Variants in OPCML observed in about 807,000 individuals in gnomAD.
OPCML encodes opioid binding protein/cell adhesion molecule like, also known as opioid-binding protein/cell adhesion molecule.
Under a neutral mutation model 37.8 loss-of-function variants are expected in OPCML, and 13 were observed. That is an observed-to-expected ratio of 0.34 (90% CI 0.22 to 0.55). The LOEUF is 0.55. Ranked by LOEUF, OPCML falls within the 20% of genes least tolerant of loss-of-function variation. The probability of loss-of-function intolerance (pLI) is 0.91; values close to 1 mark genes in which losing one functional copy is unlikely to be tolerated. For synonymous variants in OPCML, 176 were observed against 168.8 expected (o/e 1.04, Z -0.33); for missense variants, 341 against 435.6 (o/e 0.78, Z 1.93).
chr11:133,007,869 T>C, intron 1 of OPCML: 1 of 985,444 alleles, frequency 1.0e-6, no homozygotes, highest in Non-Finnish European at 1.2e-6. Context: ...CAAAAGATTG[T>C]GGGGAAAATG....
intron 2 of OPCML, among the ~76,000 whole-genome samples, chr11:132,709,567 C>A (rs1306227151): frequency 6.6e-6 from 1 of 152,146 alleles, no homozygotes; most frequent in African/African-American, 2.4e-5. Flanking sequence ...TCCTTCATGA[C>A]TTTGACTTTG....
intron 3 of OPCML, among the ~76,000 whole-genome samples, chr11:132,571,286 G>A (rs1325161989): frequency 6.6e-6 from 1 of 152,086 alleles, no homozygotes; most frequent in Non-Finnish European, 1.5e-5. Context: ...TTTGAACTGA[G>A]ACACTACTGG....
intron 1 of OPCML, among the ~76,000 whole-genome samples, chr11:133,327,429 T>C (rs956071947): frequency 6.6e-6 from 1 of 151,884 alleles, no homozygotes; most frequent in Non-Finnish European, 1.5e-5. Context: ...CCATCTGGAG[T>C]GTCAACTGCT....
intron 3 of OPCML, among the ~76,000 whole-genome samples, chr11:132,632,241 AT>A (rs67176157): frequency 0.11 from 11,874 of 111,356 alleles, 600 homozygotes; most frequent in African/African-American, 0.2. Context: ...ATTCAAACAC[AT>A]TTTTTTTTTT....
intron 1 of OPCML, among the ~76,000 whole-genome samples, chr11:133,359,792 G>A (rs536719725): frequency 6.6e-5 from 10 of 151,988 alleles, no homozygotes; most frequent in African/African-American, 2.2e-4. Flanking sequence ...TGTTATCCTC[G>A]GTATTTAGCG....
At chr11:133,431,518 G>A (rs1946114657) in intron 1 of OPCML, among the ~76,000 whole-genome samples, 1 of 152,014 alleles carries the variant, frequency 6.6e-6, no homozygotes, top group African/African-American at 2.4e-5. Flanking sequence ...CAGGCTGGAG[G>A]GCAATAGCGT....
At position 132,603,782 on chromosome 11, in the gene OPCML, G is replaced by A. The variant is rs149698538; in HGVS notation, c.379+53305C>T. 3.9e-5 allele frequency among the ~76,000 whole-genome samples: 6 copies of A among 152,250 alleles called. No individual in the cohort carries two copies. In the East Asian group the frequency reaches 1.2e-3, roughly 29 times the overall value. On this transcript the variant is annotated intron_variant, in intron 3 of 7. Coordinates refer to ENST00000524381, the MANE Select transcript of OPCML (RefSeq NM_001012393.5). The stretch of plus-strand genomic sequence containing the variant: ...TAGCAATACTAAACTACTTGAAGGT[G>A]CTCTCACATTTCTTGCTTTCTAACT...
intron 3 of OPCML, among the ~76,000 whole-genome samples, chr11:132,558,243 T>C (rs1209080359): frequency 2.0e-5 from 3 of 151,334 alleles, no homozygotes. Context: ...CTTTTTCTTC[T>C]TCTTCTTCTT....
At chr11:133,365,823 A>G (rs1320754520) in intron 1 of OPCML, 1 of 152,246 alleles carries the variant, frequency 6.6e-6, no homozygotes, top group African/African-American at 2.4e-5. Flanking sequence ...TAATCCTAGC[A>G]GTAACTGAGT....
At chr11:133,078,551 C>G (rs1372393102) in intron 1 of OPCML, among the ~76,000 whole-genome samples, 3 of 152,150 alleles carry the variant, frequency 2.0e-5, no homozygotes, top group Admixed American at 6.5e-5. Context: ...AAAGGCAACA[C>G]GCTTTTGAAG....
At chr11:132,799,160 C>T (rs1273925409) in intron 2 of OPCML, among the ~76,000 whole-genome samples, 2 of 152,196 alleles carry the variant, frequency 1.3e-5, no homozygotes, top group Non-Finnish European at 2.9e-5. Flanking sequence ...TCCTCTCTAG[C>T]TATGAAAGTC....
At chr11:132,905,106 T>C (rs1944189939) in intron 2 of OPCML, among the ~76,000 whole-genome samples, 2 of 152,264 alleles carry the variant, frequency 1.3e-5, no homozygotes, top group South Asian at 4.1e-4. Flanking sequence ...ACAACACTAC[T>C]GTGGAGGTAC....
chr11:133,293,220 G>A (rs773368027), intron 1 of OPCML, among the ~76,000 whole-genome samples: 1 of 151,606 alleles, frequency 6.6e-6, no homozygotes, highest in Non-Finnish European at 1.5e-5. Context: ...GACAGTCACG[G>A]CACCCCACGC....
intron 1 of OPCML, among the ~76,000 whole-genome samples, chr11:133,413,612 T>C (rs930476903): frequency 1.3e-5 from 2 of 152,196 alleles, no homozygotes; most frequent in African/African-American, 4.8e-5. Context: ...TGAATGGCTC[T>C]TCTCCCTTCA....
chr11:133,344,034 C>T (rs931048388), intron 1 of OPCML, among the ~76,000 whole-genome samples: 16 of 152,290 alleles, frequency 1.1e-4, no homozygotes, highest in African/African-American at 3.8e-4. Flanking sequence ...TTAAACCCTG[C>T]GAGGAAACAC....
intron 1 of OPCML, among the ~76,000 whole-genome samples, chr11:133,148,572 GAACTGA>G (rs1949930386): frequency 6.6e-6 from 1 of 152,174 alleles, no homozygotes. Flanking sequence ...GAGTGGTGAA[GAACTGA>G]AACAGCCATG....
chr11:132,839,667 T>G (rs1283870045), intron 2 of OPCML, among the ~76,000 whole-genome samples: 8 of 152,132 alleles, frequency 5.3e-5, no homozygotes, highest in African/African-American at 1.9e-4. Flanking sequence ...AAATCCTTCC[T>G]CCACTGAACT....
chr11:133,409,818 C>A (rs55877651), intron 1 of OPCML, among the ~76,000 whole-genome samples: 13,765 of 152,152 alleles, frequency 0.09, 1,825 homozygotes, highest in African/African-American at 0.29. Context: ...AAATGAAGAA[C>A]ATCTTTGTTC....
At chr11:132,858,589 C>CG (rs141283579) in intron 2 of OPCML, among the ~76,000 whole-genome samples, 3,434 of 152,220 alleles carry the variant, frequency 0.023, 51 homozygotes, top group Middle Eastern at 0.058. Flanking sequence ...CCTTTCTTCC[C>CG]GGGGGGTGAG....
Sources: allele counts gnomAD v4.1 joint callset (sites outside exome capture counted in the v4.1 genomes callset), GRCh38; gene constraint gnomAD v4.1.1; transcripts MANE v1.5; gene names NCBI Gene and HGNC (gene_info 2026-07-23, HGNC 2026-07-21).